BPI: variants seen among roughly 807,000 people sequenced by gnomAD.
BPI encodes bactericidal permeability increasing protein, also known as bactericidal permeability-increasing protein.
A neutral mutation model predicts 57.6 loss-of-function variants in BPI; 48 were observed. That is an observed-to-expected ratio of 0.83 (90% CI 0.66 to 1.06). The LOEUF (loss-of-function observed/expected upper bound fraction) is 1.06. Among genes scored for constraint, BPI ranks in the 50% least tolerant of loss-of-function variants. The probability of loss-of-function intolerance (pLI) is 0.00; values close to 1 mark genes in which losing one functional copy is unlikely to be tolerated. For synonymous variants in BPI, 237 were observed against 238.2 expected (o/e 0.99, Z 0.05); for missense variants, 651 against 609.7 (o/e 1.07, Z -0.71).
chr20:38,309,047 A>G lies in BPI; in HGVS notation c.363A>G (p.Gln121=). The G allele has an allele frequency of 1.2e-6, 2 of 1,614,192 alleles. No individual in the cohort carries two copies. Among genetic ancestry groups the G allele is most frequent in the Non-Finnish European group, 1.7e-6 (2 of 1,180,010 alleles). Residue 121 remains glutamine, a synonymous_variant, in exon 3 of 15, where the codon CAA becomes CAG. Coordinates refer to ENST00000642449, the MANE Select transcript of BPI (RefSeq NM_001725.3). ...AGATCAGCGGGAAATGGAAGGCACA[A>G]AAGAGATTCTTGTGCGTTTCCATGC... is the stretch of plus-strand genomic sequence containing the variant. ...NIKISGKWKA[Q]KRFLKMSGNF...
At chr20:38,328,446 A>T (rs1018774159) in intron 11 of BPI, among the ~76,000 whole-genome samples, 4 of 152,086 alleles carry the variant, frequency 2.6e-5, no homozygotes, top group Admixed American at 2.6e-4. Flanking sequence ...GCTACTGGAG[A>T]GGCTGAGGCA....
intron 5 of BPI, among the ~76,000 whole-genome samples, chr20:38,316,429 C>CTT (rs1352864322): frequency 8.5e-5 from 13 of 152,176 alleles, no homozygotes. Context: ...CAGCTGGGTC[C>CTT]CCAGGCTGAA....
intron 11 of BPI, among the ~76,000 whole-genome samples, chr20:38,327,947 T>G (rs2076721958): frequency 6.6e-6 from 1 of 152,200 alleles, no homozygotes; most frequent in Admixed American, 6.5e-5. Flanking sequence ...TTCTGGGATA[T>G]GGCCAGTCCT....
intron 11 of BPI, among the ~76,000 whole-genome samples, chr20:38,329,270 G>A (rs991843664): frequency 5.3e-5 from 8 of 152,030 alleles, no homozygotes; most frequent in Non-Finnish European, 7.4e-5. Flanking sequence ...ATGGCCCCCC[G>A]CAGTTAGACC....
chr20:38,320,331 G>A (rs1227616329), intron 7 of BPI, 57 bp downstream of exon 7: 2 of 1,506,886 alleles, frequency 1.3e-6, no homozygotes, highest in South Asian at 1.2e-5. Context: ...ACACTCCAGG[G>A]CTCCCCAGTC....
chr20:38,325,965 C>T (rs565227398), intron 9 of BPI, among the ~76,000 whole-genome samples: 12 of 151,786 alleles, frequency 7.9e-5, no homozygotes, highest in East Asian at 1.9e-4. Context: ...GAGAAGAATG[C>T]GAGGAAAAGT....
At chr20:38,320,459 C>T (rs998569111) in intron 7 of BPI, among the ~76,000 whole-genome samples, 185 bp downstream of exon 7, 1 of 151,966 alleles carries the variant, frequency 6.6e-6, no homozygotes, top group East Asian at 1.9e-4. Context: ...CCCCGAAACA[C>T]ACCATGCCTG....
Position 38,311,875 on chromosome 20 carries a change from T to A in BPI, c.538T>A (p.Trp180Arg). Residue 180 changes from tryptophan (W) to arginine (R), a missense_variant and splice_region_variant, in exon 5 of 15, where the codon TGG becomes AGG. Physicochemically the swap from Trp to Arg is moderately radical, Grantham distance 101. Coordinates refer to ENST00000642449, the MANE Select transcript of BPI (RefSeq NM_001725.3). ...ATGTCCCTACTTGTTCATCTCTAGG[T>A]GGCTGATCCAACTCTTCCACAAAAA... is the stretch of plus-strand genomic sequence containing the variant. ...HVHISKSKVG[W>R]LIQLFHKKIE... 1 of 1,613,946 alleles carries A rather than the reference T, an allele frequency of 6.2e-7. No homozygotes were observed. The highest frequency in any genetic ancestry group is 8.5e-7 in the Non-Finnish European group (1 of 1,179,932).
At position 38,321,273 on chromosome 20, in the gene BPI, G is replaced by A. The variant is rs75366674; in HGVS notation, c.756+999G>A. Among the ~76,000 whole-genome samples, 847 of 151,554 alleles carry A rather than the reference G, an allele frequency of 5.6e-3. 73 individuals carry two copies. In the East Asian group the frequency reaches 0.16, roughly 28 times the overall value. ...GGTGGGGGTAGATGGATGGCTGGGT[G>A]GATGTATTGGTGGGTGGATGGATGG... On this transcript the variant is annotated intron_variant, in intron 7 of 14. Transcript: ENST00000642449.
At chr20:38,319,708 G>T (rs2076671416) in intron 6 of BPI, 1 of 153,608 alleles carries the variant, frequency 6.5e-6, no homozygotes, top group African/African-American at 2.4e-5. Context: ...GCCAGCCAGG[G>T]CTTAGCCTTG....
At position 38,308,968 on chromosome 20, in the gene BPI, T is replaced by G. The variant is rs768398912; in HGVS notation, c.284T>G (p.Ile95Arg). 9.9e-6 allele frequency: 16 copies of G among 1,614,200 alleles called. No individual in the cohort carries two copies. Among genetic ancestry groups the G allele is most frequent in the Admixed American group, 8.3e-5 (5 of 60,026 alleles). Residue 95 changes from isoleucine to arginine, a missense_variant, in exon 3 of 15, where the codon ATA (isoleucine) becomes AGA (arginine). Ile to Arg is a moderately conservative substitution (Grantham distance 97). Coordinates refer to ENST00000642449, the MANE Select transcript of BPI (RefSeq NM_001725.3). The stretch of plus-strand genomic sequence containing the variant: ...GAATTCCAGCTTCCCAGTTCCCAGA[T>G]AAGCATGGTGCCCAATGTGGGCCTT... ...IREFQLPSSQ[I>R]SMVPNVGLKF...
At chr20:38,334,524 C>T (rs752480276) in intron 13 of BPI, 31 bp downstream of exon 13, 4 of 1,597,572 alleles carry the variant, frequency 2.5e-6, no homozygotes. Context: ...CATTCATTTT[C>T]AGTCATGGGG....
chr20:38,320,661 TACACACACACACACACACAC>T (rs369329923), intron 7 of BPI, among the ~76,000 whole-genome samples: 1 of 130,818 alleles, frequency 7.6e-6, no homozygotes, highest in Non-Finnish European at 1.6e-5. Flanking sequence ...TTATTACCAA[TACACACACACACACACACAC>T]ACACACACAC....
chr20:38,306,219 G>A (rs1015418064), intron 1 of BPI, among the ~76,000 whole-genome samples: 2 of 152,226 alleles, frequency 1.3e-5, no homozygotes, highest in African/African-American at 2.4e-5. Flanking sequence ...TTTTAGTAGA[G>A]ACGGGGTTTC....
At chr20:38,320,045 G>C in intron 6 of BPI, 138 bp from the exon 7 acceptor site, 1 of 724,738 alleles carries the variant, frequency 1.4e-6, no homozygotes, top group South Asian at 1.7e-5. Context: ...CTCCCTTAAG[G>C]AGAGCTCCCT....
In BPI at chr20:38,307,586, C is replaced by T. The variant is rs770427994; in HGVS notation, c.150C>T (p.Ala50=). 1.7e-5 allele frequency: 28 copies of T among 1,608,704 alleles called. No homozygotes were observed. The highest frequency in any genetic ancestry group is 5.1e-5 in the Admixed American group (3 of 59,018). Residue 50 remains alanine, a synonymous_variant, in exon 2 of 15, where the codon GCC becomes GCT. Coordinates refer to ENST00000642449, the MANE Select transcript of BPI (RefSeq NM_001725.3). The part of the protein sequence containing the change: ...GLDYASQQGT[A]ALQKELKRIK... ...CTTCAGCCAGCCAGCAGGGGACGGC[C>T]GCTCTGCAGAAGGAGCTGAAGAGGA... is the stretch of plus-strand genomic sequence containing the variant.
intron 7 of BPI, chr20:38,321,737 A>C (rs2076686750): frequency 6.6e-6 from 1 of 152,220 alleles, no homozygotes; most frequent in Non-Finnish European, 1.5e-5. Context: ...AAAAAGAGAG[A>C]GAGAGAGAGA....
intron 8 of BPI, among the ~76,000 whole-genome samples, chr20:38,324,539 A>T (rs1388801539): frequency 2.6e-5 from 4 of 152,092 alleles, no homozygotes; most frequent in Admixed American, 2.0e-4. Context: ...AGGAGCAAAA[A>T]ACAAGCAGGC....
In BPI at chr20:38,324,062, G is replaced by A. The variant is rs1477595175; in HGVS notation, c.933+16G>A. 3.1e-6 allele frequency: 5 copies of A among 1,612,400 alleles called. No individual in the cohort carries two copies. Among genetic ancestry groups the A allele is most frequent in the Non-Finnish European group, 4.2e-6 (5 of 1,179,628 alleles). On this transcript the variant is annotated intron_variant, in intron 8 of 14. Transcript: ENST00000642449. ...AGATGACATGGTAAGGCCGGGCTCT[G>A]GGTGGGTGTGGGAAGAGCACTGGAC...
Sources: allele counts gnomAD v4.1 joint callset (sites outside exome capture counted in the v4.1 genomes callset), GRCh38; gene constraint gnomAD v4.1.1; transcripts MANE v1.5; gene names NCBI Gene and HGNC (gene_info 2026-07-23, HGNC 2026-07-21).